The following KBTBD6 variants were observed in gnomAD, a reference collection of about 807,000 sequenced individuals.
KBTBD6 encodes kelch repeat and BTB domain-containing protein 6.
Under a neutral mutation model 34.4 loss-of-function variants are expected in KBTBD6, and 6 were observed. That is an observed-to-expected ratio of 0.17 (90% CI 0.10 to 0.34). KBTBD6 has a LOEUF of 0.34. KBTBD6 is among the 10% of genes least tolerant of loss of function. The pLI is 1.00. For missense variants in KBTBD6, 557 were observed against 856.0 expected (o/e 0.65, Z 4.36); for synonymous variants, 288 against 327.2 (o/e 0.88, Z 1.29).
rs1357397464 is a variant in KBTBD6 at position 41,130,290 on chromosome 13, GTTGAT to G, written c.*192_*196del. On this transcript the variant is annotated 3_prime_UTR_variant, in exon 1 of 1. Transcript: ENST00000379485. This position sits in a 1 kb window ranked among gnomAD's most constrained non-coding sequence, Gnocchi z 4.8. ...CCTTAGCACAGAAAATTATTAAAAG[GTTGAT>G]TTGAGTGTTAAAATTTGTAACATTA... The G allele has an allele frequency of 3.9e-5, 20 of 515,080 alleles. No individual in the cohort carries two copies. Among genetic ancestry groups the G allele is most frequent in the Middle Eastern group, 4.9e-4 (1 of 2,028 alleles). 31.9% of individuals were successfully genotyped at this position (515,080 alleles called of 1,614,324 possible).
Position 41,129,562 on chromosome 13 carries a change from T to C in KBTBD6, c.*925A>G, listed in dbSNP as rs955090073. Reference sequence around the variant, plus strand: ...ACAGTAGAATCCTGGTTTGTTGTTTTTACTGTCAATGAGCTTATAGCTATT... The same window carrying C: ...ACAGTAGAATCCTGGTTTGTTGTTTCTACTGTCAATGAGCTTATAGCTATT... On this transcript the variant is annotated 3_prime_UTR_variant, in exon 1 of 1. Transcript: ENST00000379485. 5.3e-5 allele frequency: 8 copies of C among 152,140 alleles called. No individual in the cohort carries two copies. The highest frequency in any genetic ancestry group is 1.9e-4 in the African/African-American group (8 of 41,446). The allele number at this position is 152,140 out of a possible 1,614,324, so 9.4% of individuals were successfully genotyped here.
chr13:41,129,762 G>C lies in KBTBD6; in HGVS notation c.*725C>G, dbSNP rs1218629577. On this transcript the variant is annotated 3_prime_UTR_variant, in exon 1 of 1. Transcript: ENST00000379485. ...GGCTCTCTGCAGCCTCTGACTCCCG[G>C]GTTTCAGCAATTCTCCTGCCTCAGC... 2.9e-5 allele frequency: 4 copies of C among 138,602 alleles called. No individual in the cohort carries two copies. In the East Asian group the frequency reaches 8.8e-4, roughly 31 times the overall value. 8.6% of individuals were successfully genotyped at this position (138,602 alleles called of 1,614,324 possible).
chr13:41,128,411 A>G lies in KBTBD6; in HGVS notation c.*2076T>C, dbSNP rs1386250449. The G allele has an allele frequency of 1.5e-5, 6 of 390,278 alleles. No individual in the cohort carries two copies. Among genetic ancestry groups the G allele is most frequent in the East Asian group, 1.4e-4 (4 of 27,744 alleles). 24.2% of individuals were successfully genotyped at this position (390,278 alleles called of 1,614,324 possible). A position where few individuals can be genotyped will look rare whatever the true frequency, so the allele number is the denominator to read the frequency against. ...TACTTCTGTTTTAGTGTGTTTAACA[A>G]TGTCAGTTTCGTGGGATTTAGTCTC... On this transcript the variant is annotated 3_prime_UTR_variant, in exon 1 of 1. Coordinates refer to ENST00000379485, the MANE Select transcript of KBTBD6 (RefSeq NM_152903.5).
In KBTBD6 at chr13:41,131,447, G is replaced by T; in HGVS notation, c.1065C>A (p.Pro355=). ...CCGAGTATGGATCACAGCAGAGAAA[G>T]GGATCTCTGGGGTGTCCAAAGAAGA... ...MVIFFGHPRD[P]FLCCDPYSGD... The change falls in exon 1 of 1, where the codon CCC becomes CCA. Residue 355 remains proline (P), a synonymous_variant. Coordinates refer to ENST00000379485, the MANE Select transcript of KBTBD6 (RefSeq NM_152903.5). The surrounding 1 kb of genome is among the most constrained non-coding windows in gnomAD (Gnocchi z 5.8). 6.2e-7 allele frequency: 1 copy of T among 1,614,190 alleles called. No individual in the cohort carries two copies. The highest frequency in any genetic ancestry group is 1.1e-5 in the South Asian group (1 of 91,082).
chr13:41,132,424 CTG>C lies in KBTBD6; in HGVS notation c.86_87del (p.Thr29SerfsTer35). On this transcript the variant is annotated frameshift_variant, in exon 1 of 1. Coordinates refer to ENST00000379485, the MANE Select transcript of KBTBD6 (RefSeq NM_152903.5). LOFTEE classifies it high-confidence loss of function. ...GKRPKKIHKPTVSAFFTGPEE... is the reference protein window; with the variant it reads ...GKRPKKIHKPXVSAFFTGPEE... ...TCTGGACCCGTGAAAAAGGCCGAAA[CTG>C]TGGGTTTGTGAATCTTCTTGGGCCG... 1.2e-6 allele frequency: 2 copies of C among 1,614,256 alleles called. No individual in the cohort carries two copies. The highest frequency in any genetic ancestry group is 1.1e-5 in the South Asian group (1 of 91,088).
chr13:41,130,768 G>A lies in KBTBD6; in HGVS notation c.1744C>T (p.Arg582Trp), dbSNP rs2030073629. The A allele has an allele frequency of 3.1e-6, 5 of 1,614,160 alleles. No homozygotes were observed. The highest frequency in any genetic ancestry group is 3.3e-5 in the Admixed American group (2 of 60,012). Reference protein sequence around the residue: ...TSRTPQWKKNRVTVYEYDIRG... With the variant: ...TSRTPQWKKNWVTVYEYDIRG... ...ATATCATATTCATACACAGTCACCC[G>A]GTTCTTTTTCCACTGTGGGGTGCGA... The change falls in exon 1 of 1, where the codon CGG becomes TGG. Residue 582 changes from arginine (R) to tryptophan (W), a missense_variant. This residue lies in a region of KBTBD6 where 309 missense variants were observed against 504.5 expected (regional missense o/e 0.61). Transcript: ENST00000379485. The surrounding 1 kb of genome is among the most constrained non-coding windows in gnomAD (Gnocchi z 4.8).
chr13:41,132,068 G>C lies in KBTBD6; in HGVS notation c.444C>G (p.Ser148=). The C allele has an allele frequency of 6.2e-7, 1 of 1,614,208 alleles. No individual in the cohort carries two copies. Among genetic ancestry groups the C allele is most frequent in the East Asian group, 2.2e-5 (1 of 44,884 alleles). ...EANVERLYAA[S]DMLQLEYVRE... The stretch of plus-strand genomic sequence containing the variant: ...GCACATATTCCAGCTGTAGCATGTC[G>C]GAGGCCGCGTACAGGCGCTCCACGT... Residue 148 remains serine (S), a synonymous_variant, in exon 1 of 1, where the codon TCC becomes TCG. Transcript: ENST00000379485.
At position 41,128,375 on chromosome 13, in the gene KBTBD6, C is replaced by A. The variant is rs1466328342; in HGVS notation, c.*2112G>T. The A allele has an allele frequency of 2.6e-6, 1 of 380,550 alleles. No individual in the cohort carries two copies. Among genetic ancestry groups the A allele is most frequent in the African/African-American group, 2.1e-5 (1 of 48,324 alleles). 23.6% of individuals were successfully genotyped at this position (380,550 alleles called of 1,614,324 possible). A position where few individuals can be genotyped will look rare whatever the true frequency, so the allele number is the denominator to read the frequency against. On this transcript the variant is annotated 3_prime_UTR_variant, in exon 1 of 1. Transcript: ENST00000379485. ...TGTCAACCATTATATATTAAATCTT[C>A]AAGAGGTAAGTACTTCTGTTTTAGT...
rs2030065705 is a variant in KBTBD6 at position 41,130,286 on chromosome 13, A to C, written c.*201T>G. 3 of 513,314 alleles carry C rather than the reference A, an allele frequency of 5.8e-6. No homozygotes were observed. Among genetic ancestry groups the C allele is most frequent in the Non-Finnish European group, 1.0e-5 (3 of 292,430 alleles). The allele number at this position is 513,314 out of a possible 1,614,324, so 31.8% of individuals were successfully genotyped here. On this transcript the variant is annotated 3_prime_UTR_variant, in exon 1 of 1. Transcript: ENST00000379485. This position sits in a 1 kb window ranked among gnomAD's most constrained non-coding sequence, Gnocchi z 4.8. ...GGACCCTTAGCACAGAAAATTATTAAAAGGTTGATTTGAGTGTTAAAATTT... is the reference window on the plus strand; with the variant it reads ...GGACCCTTAGCACAGAAAATTATTACAAGGTTGATTTGAGTGTTAAAATTT...
rs1473121601 is a variant in KBTBD6, at chr13:41,131,322, A to G, written c.1190T>C (p.Leu397Pro). The G allele has an allele frequency of 6.2e-7, 1 of 1,614,096 alleles. No individual in the cohort carries two copies. The highest frequency in any genetic ancestry group is 1.7e-5 in the Admixed American group (1 of 60,008). Residue 397 changes from leucine (L) to proline (P), a missense_variant, in exon 1 of 1, where the codon CTA becomes CCA. Around this residue, in one of 4 missense-constraint regions of KBTBD6, gnomAD observed 309 missense variants for 504.5 expected, o/e 0.61. Transcript: ENST00000379485. The surrounding 1 kb of genome is among the most constrained non-coding windows in gnomAD (Gnocchi z 5.8). ...VCISPDHDIYLAAQPRTDLWV... is the reference protein window; with the variant it reads ...VCISPDHDIYPAAQPRTDLWV... Reference sequence around the variant, plus strand: ...GAGGTCTGTCCTGGGCTGAGCAGCTAGATAGATGTCATGGTCAGGAGAGAT... The same window carrying G: ...GAGGTCTGTCCTGGGCTGAGCAGCTGGATAGATGTCATGGTCAGGAGAGAT...
In KBTBD6 at chr13:41,132,368, G is replaced by C; in HGVS notation, c.144C>G (p.Ala48=). The stretch of plus-strand genomic sequence containing the variant: ...AGAAGGACTTGAGCTGTGCCAGCAG[G>C]GCTGCAGAATGGGCCGTGTCCTTTA... The part of the protein sequence containing the change: ...EELKDTAHSA[A]LLAQLKSFYD... Residue 48 remains alanine, a synonymous_variant, in exon 1 of 1, where the codon GCC becomes GCG. Coordinates refer to ENST00000379485, the MANE Select transcript of KBTBD6 (RefSeq NM_152903.5). 6.2e-7 allele frequency: 1 copy of C among 1,614,238 alleles called. No homozygotes were observed. The highest frequency in any genetic ancestry group is 8.5e-7 in the Non-Finnish European group (1 of 1,180,038).
At position 41,128,600 on chromosome 13, in the gene KBTBD6, T is replaced by G. The variant is rs1482509966; in HGVS notation, c.*1887A>C. 1 of 396,200 alleles carries G rather than the reference T, an allele frequency of 2.5e-6. No homozygotes were observed. The highest frequency in any genetic ancestry group is 2.1e-5 in the African/African-American group (1 of 48,610). The allele number at this position is 396,200 out of a possible 1,614,324, so 24.5% of individuals were successfully genotyped here. A position where few individuals can be genotyped will look rare whatever the true frequency, so the allele number is the denominator to read the frequency against. ...ACATACTTTCACTAGTGGCCTCAAATGCCATCATCCACTTATGTTCTTTAA... is the reference window on the plus strand; with the variant it reads ...ACATACTTTCACTAGTGGCCTCAAAGGCCATCATCCACTTATGTTCTTTAA... On this transcript the variant is annotated 3_prime_UTR_variant, in exon 1 of 1. Transcript: ENST00000379485.
rs367977239 is a variant in KBTBD6, at chr13:41,131,832, C to G, written c.680G>C (p.Arg227Pro). The change falls in exon 1 of 1, where the codon CGC becomes CCC. Residue 227 changes from arginine (R) to proline (P), a missense_variant. Transcript: ENST00000379485. This position sits in a 1 kb window ranked among gnomAD's most constrained non-coding sequence, Gnocchi z 5.8. ...ACTCTCCACGTCCAGACTATCCAAGCGCAGGACAGCCAGCAGCTGGGCCAG... is the reference window on the plus strand; with the variant it reads ...ACTCTCCACGTCCAGACTATCCAAGGGCAGGACAGCCAGCAGCTGGGCCAG... Reference protein sequence around the residue: ...LTLAQLLAVLRLDSLDVESEQ... With the variant: ...LTLAQLLAVLPLDSLDVESEQ... 1 of 1,614,258 alleles carries G rather than the reference C, an allele frequency of 6.2e-7. No homozygotes were observed. Among genetic ancestry groups the G allele is most frequent in the Non-Finnish European group, 8.5e-7 (1 of 1,180,042 alleles).
Position 41,130,868 on chromosome 13 carries a change from A to G in KBTBD6, c.1644T>C (p.Asn548=), listed in dbSNP as rs765482961. ...NPVRAEWRQM[N]NIPLVSETNN... is the part of the protein sequence containing the mutation. ...TGGTCTCTGAGACCAAGGGAATATTATTCATTTGCCTCCATTCTGCCCTAA... is the reference window on the plus strand; with the variant it reads ...TGGTCTCTGAGACCAAGGGAATATTGTTCATTTGCCTCCATTCTGCCCTAA... Residue 548 remains asparagine (N), a synonymous_variant, in exon 1 of 1, where the codon AAT becomes AAC. Coordinates refer to ENST00000379485, the MANE Select transcript of KBTBD6 (RefSeq NM_152903.5). This position sits in a 1 kb window ranked among gnomAD's most constrained non-coding sequence, Gnocchi z 4.8. The G allele has an allele frequency of 6.2e-7, 1 of 1,614,158 alleles. No individual in the cohort carries two copies. The highest frequency in any genetic ancestry group is 8.5e-7 in the Non-Finnish European group (1 of 1,180,008).
chr13:41,131,226 T>C lies in KBTBD6; in HGVS notation c.1286A>G (p.Asp429Gly), dbSNP rs760034268. The C allele has an allele frequency of 5.0e-6, 8 of 1,614,044 alleles. No homozygotes were observed. Among genetic ancestry groups the C allele is most frequent in the Non-Finnish European group, 6.8e-6 (8 of 1,180,048 alleles). The change falls in exon 1 of 1, where the codon GAT (aspartate) becomes GGT (glycine). Residue 429 changes from aspartate (D) to glycine (G), a missense_variant. By Grantham distance (94) the Asp-to-Gly change is moderately conservative (BLOSUM62 -1). Transcript: ENST00000379485. This position sits in a 1 kb window ranked among gnomAD's most constrained non-coding sequence, Gnocchi z 5.8. ...GATATAGCCATTGAGATATGCCACA[T>C]CCATGCCCTCACGACACAGCAAGCG... ...ADRLLCREGM[D>G]VAYLNGYIYI...
At position 41,128,031 on chromosome 13, in the gene KBTBD6, A is replaced by G. The variant is rs1414841607; in HGVS notation, c.*2456T>C. The G allele has an allele frequency of 6.6e-6, 1 of 152,348 alleles. No individual in the cohort carries two copies. Among genetic ancestry groups the G allele is most frequent in the Admixed American group, 6.5e-5 (1 of 15,286 alleles). The allele number at this position is 152,348 out of a possible 1,614,324, so 9.4% of individuals were successfully genotyped here. On this transcript the variant is annotated 3_prime_UTR_variant, in exon 1 of 1. Transcript: ENST00000379485. Reference sequence around the variant, plus strand: ...ATTTTATTTCACTAAAAGTGATGTTAAACGTGAATGTCTTGTAGACTATTT... The same window carrying G: ...ATTTTATTTCACTAAAAGTGATGTTGAACGTGAATGTCTTGTAGACTATTT...
In KBTBD6 at chr13:41,128,842, G is replaced by A; in HGVS notation, c.*1645C>T. The A allele has an allele frequency of 8.5e-6, 2 of 235,400 alleles. No individual in the cohort carries two copies. Among genetic ancestry groups the A allele is most frequent in the Non-Finnish European group, 1.6e-5 (2 of 122,450 alleles). The allele number at this position is 235,400 out of a possible 1,614,324, so 14.6% of individuals were successfully genotyped here. On this transcript the variant is annotated 3_prime_UTR_variant, in exon 1 of 1. Coordinates refer to ENST00000379485, the MANE Select transcript of KBTBD6 (RefSeq NM_152903.5). ...ATGCCCAGACATATTTTTTATTTTT[G>A]TAGAGATGGGGTTTTGCTATGTTGC... is the stretch of plus-strand genomic sequence containing the variant.
In KBTBD6 at chr13:41,131,797, C is replaced by T. The variant is rs1347498763; in HGVS notation, c.715G>A (p.Val239Met). Residue 239 changes from valine (V) to methionine (M), a missense_variant, in exon 1 of 1, where the codon GTG (valine) becomes ATG (methionine). Around this residue, in one of 4 missense-constraint regions of KBTBD6, gnomAD observed 100 missense variants for 102.1 expected, o/e 0.98. Coordinates refer to ENST00000379485, the MANE Select transcript of KBTBD6 (RefSeq NM_152903.5). The surrounding 1 kb of genome is among the most constrained non-coding windows in gnomAD (Gnocchi z 5.8). The stretch of plus-strand genomic sequence containing the variant: ...AGCCACTGCACTGCCACATGGCACA[C>T]TGTCTGCTCACTCTCCACGTCCAGA... The part of the protein sequence containing the change: ...DSLDVESEQT[V>M]CHVAVQWLEA... 6.2e-7 allele frequency: 1 copy of T among 1,614,284 alleles called. No individual in the cohort carries two copies. Among genetic ancestry groups the T allele is most frequent in the Non-Finnish European group, 8.5e-7 (1 of 1,180,060 alleles).
chr13:41,132,624 A>C lies in KBTBD6; in HGVS notation c.-113T>G. On this transcript the variant is annotated 5_prime_UTR_variant, in exon 1 of 1. Coordinates refer to ENST00000379485, the MANE Select transcript of KBTBD6 (RefSeq NM_152903.5). The stretch of plus-strand genomic sequence containing the variant: ...ATAGCAGCGTCTCCGAAGAGACAGC[A>C]GCACGAGCCCATTTACTGAATTCAA... The C allele has an allele frequency of 7.9e-7, 1 of 1,260,480 alleles. No individual in the cohort carries two copies. The allele number at this position is 1,260,480 out of a possible 1,614,324, so 78.1% of individuals were successfully genotyped here. A position where few individuals can be genotyped will look rare whatever the true frequency, so the allele number is the denominator to read the frequency against.
Sources: gnomAD v4.1 joint callset for allele counts on GRCh38, gnomAD v4.1.1 for gene constraint, gnomAD v4.1.1 regional missense constraint, Gnocchi (gnomAD v3.1) non-coding constraint, MANE v1.5 for transcripts, NCBI Gene and HGNC (gene_info 2026-07-23, HGNC 2026-07-21) for gene names.